The following IL1R1 variants were observed in gnomAD, a reference collection of about 807,000 sequenced individuals.
IL1R1 encodes interleukin 1 receptor type 1.
A neutral mutation model predicts 50.2 loss-of-function variants in IL1R1; 22 were observed. The ratio of observed to expected loss-of-function variants is 0.44; its 90% CI spans 0.31 to 0.63. The LOEUF is 0.63. Among genes scored for constraint, IL1R1 ranks in the 20% least tolerant of loss-of-function variants. The pLI, the probability that IL1R1 is intolerant of heterozygous loss-of-function variation, is 0.07. For missense variants in IL1R1, 509 were observed against 676.2 expected, an observed-to-expected ratio of 0.75 and a Z score of 2.74; for synonymous variants, 251 against 236.7, an observed-to-expected ratio of 1.06 and a Z score of -0.55.
chr2:102,119,353 C>A (rs1288035824), intron 1 of IL1R1, among the ~76,000 whole-genome samples: 1 of 152,208 alleles, frequency 6.6e-6, no homozygotes, highest in Admixed American at 6.5e-5. Flanking sequence ...AATTGTTCTT[C>A]CTTTGGCCTG....
chr2:102,071,155 T>C (rs939280900), intron 1 of IL1R1, among the ~76,000 whole-genome samples: 1 of 152,190 alleles, frequency 6.6e-6, no homozygotes, highest in Non-Finnish European at 1.5e-5. Flanking sequence ...GAAATATATT[T>C]GTATACTTAT....
intron 3 of IL1R1, among the ~76,000 whole-genome samples, chr2:102,162,473 A>AT (rs1428143352): frequency 2.7e-5 from 4 of 149,632 alleles, no homozygotes; most frequent in East Asian, 4.0e-4. Flanking sequence ...CAATTCTGTT[A>AT]TTTTTTTCTC....
At chr2:102,112,580 C>T (rs376782651) in intron 1 of IL1R1, among the ~76,000 whole-genome samples, 1 of 151,974 alleles carries the variant, frequency 6.6e-6, no homozygotes, top group Non-Finnish European at 1.5e-5. Flanking sequence ...CAGAATTGCC[C>T]CAATCAGGTG....
At chr2:102,116,091 G>T (rs1261242265) in intron 1 of IL1R1, among the ~76,000 whole-genome samples, 1 of 152,220 alleles carries the variant, frequency 6.6e-6, no homozygotes, top group Non-Finnish European at 1.5e-5. Flanking sequence ...TTGCATAGTT[G>T]CAGTATCTTC....
At chr2:102,150,453 T>A (rs549617001) in intron 1 of IL1R1, among the ~76,000 whole-genome samples, 1 of 152,386 alleles carries the variant, frequency 6.6e-6, no homozygotes, top group East Asian at 1.9e-4. Context: ...TTTCTCATTC[T>A]GGGACTAGTA....
chr2:102,071,387 C>T (rs1678712160), intron 1 of IL1R1, among the ~76,000 whole-genome samples: 1 of 149,056 alleles, frequency 6.7e-6, no homozygotes, highest in Non-Finnish European at 1.5e-5. Context: ...ATTTGTGGCA[C>T]TGTATATAGG....
chr2:102,131,103 C>T (rs950307578), intron 1 of IL1R1, among the ~76,000 whole-genome samples: 1 of 152,124 alleles, frequency 6.6e-6, no homozygotes, highest in African/African-American at 2.4e-5. Context: ...AATTCCTATT[C>T]TCACCAGCCA....
chr2:102,168,604 A>G lies in IL1R1; in HGVS notation c.662A>G (p.Asn221Ser), dbSNP rs147536577. 533 of 1,613,814 alleles carry G rather than the reference A, an allele frequency of 3.3e-4. No homozygotes were observed. Among genetic ancestry groups the G allele is most frequent in the Non-Finnish European group, 4.4e-4 (521 of 1,179,824 alleles). ...ATGGATGTTTTTCTTTCAGAGGAAAACAAACCCACAAGGCCTGTGATTGTG... is the reference window on the plus strand; with the variant it reads ...ATGGATGTTTTTCTTTCAGAGGAAAGCAAACCCACAAGGCCTGTGATTGTG... ...RVIEFITLEE[N>S]KPTRPVIVSP... Residue 221 changes from asparagine to serine, a missense_variant, in exon 7 of 12, where the codon AAC (asparagine) becomes AGC (serine). By Grantham distance (46) the Asn-to-Ser change is conservative. Coordinates refer to ENST00000410023, the MANE Select transcript of IL1R1 (RefSeq NM_000877.4).
intron 1 of IL1R1, among the ~76,000 whole-genome samples, chr2:102,149,827 C>G (rs907186561): frequency 1.3e-5 from 2 of 152,124 alleles, no homozygotes; most frequent in Non-Finnish European, 2.9e-5. Context: ...ATTAATGTAG[C>G]TAGACACAGC....
intron 1 of IL1R1, among the ~76,000 whole-genome samples, chr2:102,077,081 T>C (rs1463282931): frequency 6.6e-6 from 1 of 152,008 alleles, no homozygotes; most frequent in Non-Finnish European, 1.5e-5. Flanking sequence ...TTTTATTTTA[T>C]TTTTTTTGAG....
At chr2:102,099,102 C>T (rs1445428913) in intron 1 of IL1R1, among the ~76,000 whole-genome samples, 1 of 152,182 alleles carries the variant, frequency 6.6e-6, no homozygotes, top group African/African-American at 2.4e-5. Flanking sequence ...CAGAAATATA[C>T]ATCGAGGCAT....
chr2:102,168,777 T>A lies in IL1R1; in HGVS notation c.721+114T>A. The A allele has an allele frequency of 2.8e-6, 2 of 727,072 alleles. 1 individual carries two copies. Among genetic ancestry groups the A allele is most frequent in the South Asian group, 3.6e-5 (2 of 55,030 alleles). 45.0% of individuals were successfully genotyped at this position (727,072 alleles called of 1,614,324 possible). On this transcript the variant is annotated intron_variant, in intron 7 of 11. Transcript: ENST00000410023. Reference sequence around the variant, plus strand: ...ATCTAAGCCATTTACTGTATAAATCTATCAATGGAGGGAAAGTGAGACAAA... The same window carrying A: ...ATCTAAGCCATTTACTGTATAAATCAATCAATGGAGGGAAAGTGAGACAAA...
chr2:102,142,843 C>G lies in IL1R1; in HGVS notation c.-261C>G, dbSNP rs1416126830. ...CGGGAGGAGCCGGAGAGCGGCCGGG[C>G]CGGGCGGTGGGGGCGCCGGCCTGCC... On this transcript the variant is annotated 5_prime_UTR_variant, in exon 1 of 12. Coordinates refer to ENST00000410023, the MANE Select transcript of IL1R1 (RefSeq NM_000877.4). The G allele has an allele frequency of 6.7e-6, 1 of 148,894 alleles. No homozygotes were observed. Among genetic ancestry groups the G allele is most frequent in the African/African-American group, 2.4e-5 (1 of 41,060 alleles). The allele number at this position is 148,894 out of a possible 1,614,324, so 9.2% of individuals were successfully genotyped here.
intron 1 of IL1R1, among the ~76,000 whole-genome samples, chr2:102,086,811 G>A (rs1679450890): frequency 6.6e-6 from 1 of 152,050 alleles, no homozygotes; most frequent in African/African-American, 2.4e-5. Context: ...AAAATTATTT[G>A]AACATGTTTC....
chr2:102,114,633 T>A (rs1680965756), intron 1 of IL1R1, among the ~76,000 whole-genome samples: 1 of 152,246 alleles, frequency 6.6e-6, no homozygotes, highest in African/African-American at 2.4e-5. Flanking sequence ...ACACTCGGTA[T>A]CACTCACTGT....
intron 1 of IL1R1, among the ~76,000 whole-genome samples, chr2:102,150,677 G>C (rs573893381): frequency 6.6e-6 from 1 of 152,186 alleles, no homozygotes; most frequent in African/African-American, 2.4e-5. Flanking sequence ...GCCGTGGTGT[G>C]CTGCAGTGAA....
chr2:102,074,980 T>G (rs1237877493), intron 1 of IL1R1, among the ~76,000 whole-genome samples: 1 of 152,174 alleles, frequency 6.6e-6, no homozygotes, highest in Non-Finnish European at 1.5e-5. Context: ...ATATTTTCAT[T>G]CTATATGTAT....
At chr2:102,171,012 G>A (rs1685622275) in intron 7 of IL1R1, among the ~76,000 whole-genome samples, 1 of 152,220 alleles carries the variant, frequency 6.6e-6, no homozygotes. Flanking sequence ...AGTGAGCCGA[G>A]ATTGTGCCAC....
chr2:102,108,990 A>AAT (rs1680591674), intron 1 of IL1R1, among the ~76,000 whole-genome samples: 1 of 148,314 alleles, frequency 6.7e-6, no homozygotes, highest in African/African-American at 2.5e-5. Flanking sequence ...ATAATAATAA[A>AAT]AGCTAATATG....
Sources: allele counts gnomAD v4.1 joint callset (sites outside exome capture counted in the v4.1 genomes callset), GRCh38; gene constraint gnomAD v4.1.1; transcripts MANE v1.5; gene names NCBI Gene and HGNC (gene_info 2026-07-23, HGNC 2026-07-21).